The following MAB21L3 variants were observed in gnomAD, a reference collection of about 807,000 sequenced individuals.
MAB21L3 encodes protein mab-21-like 3.
MAB21L3 carries 36 observed loss-of-function variants against 37.7 expected under a neutral mutation model. The ratio of observed to expected loss-of-function variants is 0.96; its 90% CI spans 0.73 to 1.26. The LOEUF (loss-of-function observed/expected upper bound fraction) is 1.26. Ranked by LOEUF, MAB21L3 falls within the 50% of genes most tolerant of loss-of-function variation. MAB21L3 has a pLI of 0.00. For synonymous variants in MAB21L3, 186 were observed against 176.8 expected, an observed-to-expected ratio of 1.05 and a Z score of -0.41; for missense variants, 430 against 447.3, an observed-to-expected ratio of 0.96 and a Z score of 0.35.
At position 116,128,274 on chromosome 1, in the gene MAB21L3, AG is replaced by A; in HGVS notation, c.792del (p.Arg264SerfsTer3). The A allele has an allele frequency of 6.2e-7, 1 of 1,614,088 alleles. No homozygotes were observed. Among genetic ancestry groups the A allele is most frequent in the Non-Finnish European group, 8.5e-7 (1 of 1,179,992 alleles). ...CCGTAGGAAGTGTTTTCAGGTCATG[AG>A]GCACCTGAAGGAGGACATCTGGTGC... is the stretch of plus-strand genomic sequence containing the variant. ...GCRRKCFQVM[R>X]HLKEDIWCPG... On this transcript the variant is annotated frameshift_variant, in exon 7 of 8. Coordinates refer to ENST00000369500, the MANE Select transcript of MAB21L3 (RefSeq NM_152367.3). LOFTEE classifies it high-confidence loss of function.
chr1:116,127,666 C>A (rs1432868958), intron 6 of MAB21L3, 22 bp downstream of exon 6: 24 of 1,595,428 alleles, frequency 1.5e-5, no homozygotes, highest in Non-Finnish European at 2.0e-5. Context: ...CGGGACCCAG[C>A]TTGCCAGAGC....
rs1341046624 is a variant in MAB21L3, at chr1:116,137,855, CAGTA to C, written c.*4492_*4495del. On this transcript the variant is annotated 3_prime_UTR_variant, in exon 8 of 8. Transcript: ENST00000369500. ...GGGTGAAATTGGAAATCATCATTCT[CAGTA>C]AACTATCGCAAGAACAAAAAACCAA... is the stretch of plus-strand genomic sequence containing the variant. Among the ~76,000 whole-genome samples the C allele has an allele frequency of 6.6e-6, 1 of 151,076 alleles. No homozygotes were observed. Among genetic ancestry groups the C allele is most frequent in the African/African-American group, 2.4e-5 (1 of 40,936 alleles).
intron 3 of MAB21L3, among the ~76,000 whole-genome samples, chr1:116,115,548 C>G (rs1370053948): frequency 2.0e-5 from 3 of 152,176 alleles, no homozygotes; most frequent in African/African-American, 7.2e-5. Flanking sequence ...CTTTTCTTCT[C>G]AGTAACACTC....
chr1:116,127,681 A>C, intron 6 of MAB21L3, 37 bp downstream of exon 6: 1 of 1,577,938 alleles, frequency 6.3e-7, no homozygotes, highest in Non-Finnish European at 8.6e-7. Context: ...CAGAGCAGTG[A>C]TGCCAACAGC....
At chr1:116,128,936 C>T (rs192192426) in intron 7 of MAB21L3, among the ~76,000 whole-genome samples, 1 of 152,334 alleles carries the variant, frequency 6.6e-6, no homozygotes, top group East Asian at 1.9e-4. Context: ...TTGCCCTAAA[C>T]CCAACAGTAC....
At chr1:116,121,194 A>C in intron 4 of MAB21L3, 122 bp downstream of exon 4, 1 of 1,017,626 alleles carries the variant, frequency 9.8e-7, no homozygotes, top group East Asian at 2.6e-5. Context: ...TTGTTTTCAT[A>C]GGTATTCTTA....
intron 4 of MAB21L3, among the ~76,000 whole-genome samples, chr1:116,122,000 A>C (rs1222793669): frequency 6.6e-6 from 1 of 152,200 alleles, no homozygotes; most frequent in Non-Finnish European, 1.5e-5. Context: ...AACAGACTGC[A>C]CATCCCTCGA....
intron 5 of MAB21L3, among the ~76,000 whole-genome samples, chr1:116,126,059 C>T (rs1412135411): frequency 2.0e-5 from 3 of 152,238 alleles, no homozygotes; most frequent in Non-Finnish European, 4.4e-5. Flanking sequence ...GAGATGCAGA[C>T]AAGCCCTTTA....
At position 116,127,650 on chromosome 1, in the gene MAB21L3, A is replaced by C; in HGVS notation, c.660+6A>C. 1.2e-6 allele frequency: 2 copies of C among 1,608,744 alleles called. No homozygotes were observed. Among genetic ancestry groups the C allele is most frequent in the Non-Finnish European group, 1.7e-6 (2 of 1,177,608 alleles). On this transcript the variant is annotated splice_donor_region_variant and intron_variant, in intron 6 of 7. Transcript: ENST00000369500. The stretch of plus-strand genomic sequence containing the variant: ...AGAGAGTGGAGTGCATCAAGGTATC[A>C]GTGGGCGGGACCCAGCTTGCCAGAG...
chr1:116,126,032 G>C (rs1463584584), intron 5 of MAB21L3, among the ~76,000 whole-genome samples: 2 of 152,250 alleles, frequency 1.3e-5, no homozygotes, highest in African/African-American at 2.4e-5. Context: ...TCATGTTCCT[G>C]TCTGGGCAGC....
Position 116,112,513 on chromosome 1 carries a change from C to T in MAB21L3, c.-103C>T, listed in dbSNP as rs1289238732. 1.2e-5 allele frequency: 12 copies of T among 1,023,418 alleles called. No homozygotes were observed. Among genetic ancestry groups the T allele is most frequent in the East Asian group, 7.1e-5 (3 of 42,084 alleles). 63.4% of individuals were successfully genotyped at this position (1,023,418 alleles called of 1,614,324 possible). Reference sequence around the variant, plus strand: ...TCCAGAAAAACTTAGTACCCAGAGACTCACATTACTGGGAGTGCTATCTAC... The same window carrying T: ...TCCAGAAAAACTTAGTACCCAGAGATTCACATTACTGGGAGTGCTATCTAC... On this transcript the variant is annotated 5_prime_UTR_variant, in exon 3 of 8. Coordinates refer to ENST00000369500, the MANE Select transcript of MAB21L3 (RefSeq NM_152367.3).
At chr1:116,119,580 T>C (rs772376861) in intron 3 of MAB21L3, among the ~76,000 whole-genome samples, 7 of 152,174 alleles carry the variant, frequency 4.6e-5, no homozygotes, top group Non-Finnish European at 8.8e-5. Flanking sequence ...TAAAGATTCA[T>C]AGATGGGCAT....
chr1:116,127,631 T>C lies in MAB21L3; in HGVS notation c.647T>C (p.Val216Ala). ...CLQRWPSQER[V>A]ECIKSFGFNL... is the part of the protein sequence containing the mutation. ...CAGCGCTGGCCTTCCCAAGAGAGAG[T>C]GGAGTGCATCAAGGTATCAGTGGGC... The change falls in exon 6 of 8, where the codon GTG becomes GCG. Residue 216 changes from valine (V) to alanine (A), a missense_variant. Val to Ala is a moderately conservative substitution (Grantham distance 64, BLOSUM62 0). Coordinates refer to ENST00000369500, the MANE Select transcript of MAB21L3 (RefSeq NM_152367.3). The C allele has an allele frequency of 1.9e-6, 3 of 1,612,056 alleles. No individual in the cohort carries two copies. Among genetic ancestry groups the C allele is most frequent in the Middle Eastern group, 1.7e-4 (1 of 5,802 alleles).
At chr1:116,125,286 T>A (rs1163740599) in intron 5 of MAB21L3, among the ~76,000 whole-genome samples, 5 of 152,232 alleles carry the variant, frequency 3.3e-5, no homozygotes, top group African/African-American at 1.2e-4. Context: ...ATTTTATTTT[T>A]ATAATGTGCT....
At chr1:116,128,879 A>G (rs1277035547) in intron 7 of MAB21L3, among the ~76,000 whole-genome samples, 1 of 152,160 alleles carries the variant, frequency 6.6e-6, no homozygotes, top group Non-Finnish European at 1.5e-5. Flanking sequence ...CAGGGTCCAA[A>G]TCACCAGGCA....
chr1:116,115,348 T>C (rs1055240942), intron 3 of MAB21L3, among the ~76,000 whole-genome samples: 5 of 152,238 alleles, frequency 3.3e-5, no homozygotes, highest in Non-Finnish European at 7.3e-5. Flanking sequence ...GATATGATGG[T>C]GGAAAGCCTA....
At chr1:116,114,822 G>A (rs993893949) in intron 3 of MAB21L3, among the ~76,000 whole-genome samples, 11 of 152,220 alleles carry the variant, frequency 7.2e-5, no homozygotes, top group African/African-American at 2.4e-4. Context: ...TGCTGGAGGA[G>A]CACGGTGCAT....
intron 3 of MAB21L3, among the ~76,000 whole-genome samples, chr1:116,120,154 A>G (rs1570804678): frequency 6.6e-6 from 1 of 151,970 alleles, no homozygotes; most frequent in Non-Finnish European, 1.5e-5. Flanking sequence ...CTCACCTCCT[A>G]TCACTTTCCT....
intron 3 of MAB21L3, among the ~76,000 whole-genome samples, chr1:116,117,671 A>T (rs1274708882): frequency 6.6e-6 from 1 of 152,052 alleles, no homozygotes; most frequent in Non-Finnish European, 1.5e-5. Context: ...ATCTTTACTC[A>T]TGCACCTAAA....
Sources: allele counts gnomAD v4.1 joint callset (sites outside exome capture counted in the v4.1 genomes callset), GRCh38; gene constraint gnomAD v4.1.1; transcripts MANE v1.5; gene names NCBI Gene and HGNC (gene_info 2026-07-23, HGNC 2026-07-21).